GUCA1C: variants seen among roughly 807,000 people sequenced by gnomAD.
The protein encoded by GUCA1C is guanylyl cyclase-activating protein 3.
A neutral mutation model predicts 16.2 loss-of-function variants in GUCA1C; 15 were observed. The ratio of observed to expected loss-of-function variants is 0.93; its 90% CI spans 0.62 to 1.43. GUCA1C has a LOEUF of 1.43. GUCA1C is among the 40% of genes most tolerant of loss of function. The probability of loss-of-function intolerance (pLI) is 0.00; values close to 1 mark genes in which losing one functional copy is unlikely to be tolerated. For missense variants in GUCA1C, 275 were observed against 244.8 expected (o/e 1.12, Z -0.82); for synonymous variants, 78 against 85.4 (o/e 0.91, Z 0.48).
intron 1 of GUCA1C, among the ~76,000 whole-genome samples, chr3:108,935,134 G>A (rs1298981720): frequency 6.6e-6 from 1 of 151,942 alleles, no homozygotes; most frequent in African/African-American, 2.4e-5. Context: ...TTAAGTAGGA[G>A]CTAAACGTTG....
chr3:108,919,542 T>C (rs1053461969), intron 2 of GUCA1C, among the ~76,000 whole-genome samples: 2 of 152,190 alleles, frequency 1.3e-5, no homozygotes, highest in African/African-American at 2.4e-5. Context: ...ATATCGGTAT[T>C]ATCCTACCCT....
intron 1 of GUCA1C, among the ~76,000 whole-genome samples, chr3:108,944,985 G>C (rs1234420213): frequency 6.6e-6 from 1 of 152,220 alleles, no homozygotes; most frequent in Non-Finnish European, 1.5e-5. Context: ...CAGAGCACAG[G>C]ATGAGTGCAG....
At position 108,913,779 on chromosome 3, in the gene GUCA1C, T is replaced by C. The variant is rs372573832; in HGVS notation, c.442+2348A>G. ...ATATTTTTTTTACTTAAAATACAAGTTTTTGGGGCTGGGCACGGTGGCTCA... is the reference window on the plus strand; with the variant it reads ...ATATTTTTTTTACTTAAAATACAAGCTTTTGGGGCTGGGCACGGTGGCTCA... On this transcript the variant is annotated intron_variant, in intron 3 of 3. Coordinates refer to ENST00000261047, the MANE Select transcript of GUCA1C (RefSeq NM_005459.4). Among the ~76,000 whole-genome samples, 6 of 152,034 alleles carry C rather than the reference T, an allele frequency of 3.9e-5. No individual in the cohort carries two copies. In the East Asian group the frequency reaches 1.2e-3, roughly 29 times the overall value.
At chr3:108,939,745 A>T (rs1017640384) in intron 1 of GUCA1C, among the ~76,000 whole-genome samples, 2 of 151,990 alleles carry the variant, frequency 1.3e-5, no homozygotes, top group African/African-American at 2.4e-5. Flanking sequence ...ACACATATAG[A>T]CGGCCCCTTA....
intron 1 of GUCA1C, among the ~76,000 whole-genome samples, chr3:108,949,053 G>T (rs1455733550): frequency 6.6e-6 from 1 of 152,034 alleles, no homozygotes; most frequent in African/African-American, 2.4e-5. Flanking sequence ...TCATCATGCT[G>T]GCCAGGCCGG....
intron 1 of GUCA1C, among the ~76,000 whole-genome samples, chr3:108,935,792 T>G (rs1946721756): frequency 6.6e-6 from 1 of 152,156 alleles, no homozygotes; most frequent in Non-Finnish European, 1.5e-5. Context: ...TAGATGAAAC[T>G]TTAGAAGTCG....
chr3:108,931,865 C>CTTT lies in GUCA1C; in HGVS notation c.205-11283_205-11281dup, dbSNP rs59451506. 2.9e-3 allele frequency among the ~76,000 whole-genome samples: 317 copies of CTTT among 110,112 alleles called. 76 individuals are homozygous for CTTT. The highest frequency in any genetic ancestry group is 0.012 in the Middle Eastern group (2 of 170). 72.2% of individuals were successfully genotyped at this position (110,112 alleles called of 152,430 possible). ...AAGGGAACAGTTTTTTTTCTTCCTT[C>CTTT]TTTTTTTTTTTTTTTTTTTTTGAGA... On this transcript the variant is annotated intron_variant, in intron 1 of 3. Coordinates refer to ENST00000261047, the MANE Select transcript of GUCA1C (RefSeq NM_005459.4).
chr3:108,926,584 C>T (rs561114636), intron 1 of GUCA1C, among the ~76,000 whole-genome samples: 57 of 152,258 alleles, frequency 3.7e-4, no homozygotes, highest in Middle Eastern at 3.4e-3. Flanking sequence ...GGGTTCACAC[C>T]ATTCTCCTGC....
chr3:108,910,659 C>G (rs188268133), intron 3 of GUCA1C, among the ~76,000 whole-genome samples: 119 of 150,330 alleles, frequency 7.9e-4, no homozygotes, highest in African/African-American at 2.6e-3. Flanking sequence ...TCTTCTTCTT[C>G]TTTTTTTTGA....
At chr3:108,954,547 T>G (rs1328340177), upstream of GUCA1C, among the ~76,000 whole-genome samples, 1 of 152,110 alleles carries the variant, frequency 6.6e-6, no homozygotes, top group Non-Finnish European at 1.5e-5. Context: ...TGGCTAATCT[T>G]GTCCTAACCA....
chr3:108,945,437 A>G (rs1407975006), intron 1 of GUCA1C, among the ~76,000 whole-genome samples: 1 of 152,214 alleles, frequency 6.6e-6, no homozygotes, highest in Non-Finnish European at 1.5e-5. Context: ...TGTACTCATC[A>G]TGGAGACTTT....
At chr3:108,925,546 TG>T (rs1946615076) in intron 1 of GUCA1C, among the ~76,000 whole-genome samples, 1 of 152,344 alleles carries the variant, frequency 6.6e-6, no homozygotes. Context: ...GCCTACCATA[TG>T]GTCTATCTTG....
At position 108,930,526 on chromosome 3, in the gene GUCA1C, A is replaced by G. The variant is rs113412467; in HGVS notation, c.205-9941T>C. Among the ~76,000 whole-genome samples the G allele has an allele frequency of 4.2e-3, 643 of 152,336 alleles. 2 individuals are homozygous for G. Among genetic ancestry groups the G allele is most frequent in the African/African-American group, 0.014 (568 of 41,580 alleles). On this transcript the variant is annotated intron_variant, in intron 1 of 3. Transcript: ENST00000261047. ...GGTAATCACTGTAGCATTGTTTTCT[A>G]AACTTATTATACTTTTATTTTCTAC... is the stretch of plus-strand genomic sequence containing the variant.
intron 1 of GUCA1C, among the ~76,000 whole-genome samples, chr3:108,931,849 G>GT (rs199626300): frequency 7.1e-6 from 1 of 140,086 alleles, no homozygotes; most frequent in Non-Finnish European, 1.5e-5. Context: ...CAAGGGAACA[G>GT]TTTTTTTTCT....
rs559668249 is a variant in GUCA1C, at chr3:108,943,861, T to C, written c.204+9698A>G. On this transcript the variant is annotated intron_variant, in intron 1 of 3. Transcript: ENST00000261047. Reference sequence around the variant, plus strand: ...TCATAGCTTAGCTCCCACATATTACTGAGAACATACGGTGTTTAGTTTTCC... The same window carrying C: ...TCATAGCTTAGCTCCCACATATTACCGAGAACATACGGTGTTTAGTTTTCC... Among the ~76,000 whole-genome samples, 12 of 152,276 alleles carry C rather than the reference T, an allele frequency of 7.9e-5. No homozygotes were observed. In the East Asian group the frequency reaches 1.9e-3, roughly 24 times the overall value.
chr3:108,930,373 C>T lies in GUCA1C; in HGVS notation c.205-9788G>A, dbSNP rs552904140. The stretch of plus-strand genomic sequence containing the variant: ...TCTCAAGCTTTTGTGAATAGTTTCA[C>T]GAAGTCTATAAGAAAAGCAACTGAG... On this transcript the variant is annotated intron_variant, in intron 1 of 3. Coordinates refer to ENST00000261047, the MANE Select transcript of GUCA1C (RefSeq NM_005459.4). Among the ~76,000 whole-genome samples, 8 of 152,196 alleles carry T rather than the reference C, an allele frequency of 5.3e-5. No individual in the cohort carries two copies. The South Asian group carries it at 6.2e-4, about 12-fold the overall frequency.
chr3:108,929,288 A>T lies in GUCA1C; in HGVS notation c.205-8703T>A, dbSNP rs149274542. On this transcript the variant is annotated intron_variant, in intron 1 of 3. Transcript: ENST00000261047. Reference sequence around the variant, plus strand: ...TTTGTATAGAAAACTTTGTGTCTGAAACCTTGCTAAAATCTCGTATTAGTT... The same window carrying T: ...TTTGTATAGAAAACTTTGTGTCTGATACCTTGCTAAAATCTCGTATTAGTT... Among the ~76,000 whole-genome samples the T allele has an allele frequency of 1.9e-3, 287 of 152,240 alleles. 1 individual carries two copies. Among genetic ancestry groups the T allele is most frequent in the African/African-American group, 6.6e-3 (275 of 41,544 alleles).
chr3:108,919,644 T>C (rs1946551611), intron 2 of GUCA1C, among the ~76,000 whole-genome samples: 1 of 152,204 alleles, frequency 6.6e-6, no homozygotes, highest in African/African-American at 2.4e-5. Context: ...AGTTTAATTA[T>C]AAAAGTAGTT....
At chr3:108,949,202 G>A (rs1471614552) in intron 1 of GUCA1C, among the ~76,000 whole-genome samples, 1 of 152,038 alleles carries the variant, frequency 6.6e-6, no homozygotes, top group African/African-American at 2.4e-5. Context: ...CTTTTTCTGT[G>A]AGTCTTATTA....
Sources: allele counts gnomAD v4.1 joint callset (sites outside exome capture counted in the v4.1 genomes callset), GRCh38; gene constraint gnomAD v4.1.1; transcripts MANE v1.5; gene names NCBI Gene and HGNC (gene_info 2026-07-23, HGNC 2026-07-21).